EBF1: variants seen among roughly 807,000 people sequenced by gnomAD.
EBF1 encodes the protein EBF transcription factor 1.
In EBF1, 10 loss-of-function variants were observed where a neutral mutation model predicts 68.4. The ratio of observed to expected loss-of-function variants is 0.15; its 90% CI spans 0.09 to 0.25. EBF1 has a LOEUF of 0.25. EBF1 is among the 10% of genes least tolerant of loss of function. The pLI is 1.00. For missense variants in EBF1, 509 were observed against 794.4 expected (o/e 0.64, Z 4.32); for synonymous variants, 298 against 299.8 (o/e 0.99, Z 0.06).
chr5:159,048,846 C>T (rs867828401), intron 6 of EBF1, among the ~76,000 whole-genome samples: 1 of 152,156 alleles, frequency 6.6e-6, no homozygotes, highest in African/African-American at 2.4e-5. Context: ...GGGTGAGGGC[C>T]GTTCAGCAAC....
At chr5:158,895,976 A>T (rs1802102811) in intron 6 of EBF1, among the ~76,000 whole-genome samples, 1 of 152,232 alleles carries the variant, frequency 6.6e-6, no homozygotes, top group Admixed American at 6.5e-5. Flanking sequence ...TAAAAGATGG[A>T]AAGGAAAGGA....
chr5:158,732,962 A>G (rs1764423285), intron 10 of EBF1, among the ~76,000 whole-genome samples: 1 of 152,184 alleles, frequency 6.6e-6, no homozygotes, highest in South Asian at 2.1e-4. Flanking sequence ...CTTTCTATCT[A>G]TACTAGTATA....
At chr5:159,073,568 C>T (rs2127945506) in intron 5 of EBF1, 104 bp from the exon 6 acceptor site, 2 of 1,248,722 alleles carry the variant, frequency 1.6e-6, no homozygotes, top group East Asian at 2.3e-5. Context: ...GCTAGAATTA[C>T]CACAAAGCCA....
intron 15 of EBF1, among the ~76,000 whole-genome samples, chr5:158,705,416 G>T (rs755321764): frequency 2.0e-5 from 3 of 152,194 alleles, no homozygotes; most frequent in Non-Finnish European, 4.4e-5. Flanking sequence ...CCAGCACAAG[G>T]TGTGTCCCTG....
At chr5:158,733,802 C>T (rs143333146) in intron 10 of EBF1, among the ~76,000 whole-genome samples, 225 of 152,176 alleles carry the variant, frequency 1.5e-3, no homozygotes, top group African/African-American at 5.1e-3. Context: ...GTGCTGCAGA[C>T]AAAGCTAACA....
At chr5:159,030,858 G>A (rs1488126159) in intron 6 of EBF1, among the ~76,000 whole-genome samples, 1 of 152,142 alleles carries the variant, frequency 6.6e-6, no homozygotes, top group Non-Finnish European at 1.5e-5. Context: ...TGCATGATGG[G>A]CTGGTTGTGG....
chr5:159,087,552 C>A (rs1780944245), intron 4 of EBF1, among the ~76,000 whole-genome samples: 1 of 151,586 alleles, frequency 6.6e-6, no homozygotes, highest in Admixed American at 6.6e-5. Flanking sequence ...TATTTCAATT[C>A]TTTCTAGATG....
intron 9 of EBF1, among the ~76,000 whole-genome samples, chr5:158,792,797 T>C (rs1287368466): frequency 6.6e-6 from 1 of 152,186 alleles, no homozygotes; most frequent in Non-Finnish European, 1.5e-5. Context: ...TTCATAAAGA[T>C]AAATTCTACC....
intron 6 of EBF1, among the ~76,000 whole-genome samples, chr5:158,960,758 G>C (rs1021959727): frequency 2.6e-5 from 4 of 152,272 alleles, no homozygotes; most frequent in East Asian, 3.9e-4. Flanking sequence ...TCAGTTTCCT[G>C]TTTGCTCTCT....
rs147264058 is a variant in EBF1, at chr5:158,745,122, G to A, written c.1037-13965C>T. 2.4e-4 allele frequency among the ~76,000 whole-genome samples: 36 copies of A among 152,238 alleles called. No homozygotes were observed. The East Asian group carries it at 3.1e-3, about 13-fold the overall frequency. The stretch of plus-strand genomic sequence containing the variant: ...GGTGGTCTTAATATTGGTCCCCAGC[G>A]TCTTACAATCAATAGATGTTTAGTT... On this transcript the variant is annotated intron_variant, in intron 10 of 15. Transcript: ENST00000313708.
At chr5:158,973,920 T>G (rs1461186750) in intron 6 of EBF1, among the ~76,000 whole-genome samples, 1 of 152,216 alleles carries the variant, frequency 6.6e-6, no homozygotes, top group Non-Finnish European at 1.5e-5. Context: ...CTCAGTCTTT[T>G]GCCACCACCT....
chr5:159,028,543 G>A (rs1255645987), intron 6 of EBF1, among the ~76,000 whole-genome samples: 4 of 152,162 alleles, frequency 2.6e-5, no homozygotes, highest in African/African-American at 9.7e-5. Flanking sequence ...GCCATTCTAC[G>A]GGTGGGGGTG....
chr5:159,038,418 C>A (rs1178691262), intron 6 of EBF1, among the ~76,000 whole-genome samples: 1 of 152,062 alleles, frequency 6.6e-6, no homozygotes, highest in Non-Finnish European at 1.5e-5. Context: ...ATGGACCTAC[C>A]TACTCATATC....
intron 5 of EBF1, among the ~76,000 whole-genome samples, chr5:159,074,000 C>T (rs994359143): frequency 6.6e-6 from 1 of 152,160 alleles, no homozygotes; most frequent in African/African-American, 2.4e-5. Context: ...GCTAGGTTTG[C>T]TTTTGAACCA....
chr5:158,936,311 A>G (rs1034176897), intron 6 of EBF1, among the ~76,000 whole-genome samples: 1 of 152,198 alleles, frequency 6.6e-6, no homozygotes, highest in Non-Finnish European at 1.5e-5. Flanking sequence ...GAGAACAGAC[A>G]CTGCAGGCAA....
intron 7 of EBF1, among the ~76,000 whole-genome samples, chr5:158,838,880 A>G (rs1403342741): frequency 2.1e-5 from 2 of 94,868 alleles, no homozygotes; most frequent in Non-Finnish European, 4.6e-5. Context: ...CATTGACCAT[A>G]CAAATAACTT....
chr5:158,891,628 G>A (rs1801201265), intron 6 of EBF1, among the ~76,000 whole-genome samples: 1 of 152,040 alleles, frequency 6.6e-6, no homozygotes, highest in South Asian at 2.1e-4. Context: ...ATATGTGTGT[G>A]TGTGTATGTC....
At chr5:159,065,819 A>G (rs952404537) in intron 6 of EBF1, among the ~76,000 whole-genome samples, 1 of 152,202 alleles carries the variant, frequency 6.6e-6, no homozygotes, top group Non-Finnish European at 1.5e-5. Flanking sequence ...GTTAAAGAAA[A>G]CAATAAAAGA....
At chr5:158,835,314 G>A (rs1788514518) in intron 7 of EBF1, among the ~76,000 whole-genome samples, 1 of 152,140 alleles carries the variant, frequency 6.6e-6, no homozygotes, top group Non-Finnish European at 1.5e-5. Context: ...TCTTGCCTTG[G>A]AGAATTGACC....
Sources: gnomAD v4.1 joint callset for allele counts (sites outside exome capture counted in the v4.1 genomes callset) on GRCh38, gnomAD v4.1.1 for gene constraint, MANE v1.5 for transcripts, NCBI Gene and HGNC (gene_info 2026-07-23, HGNC 2026-07-21) for gene names.